The following ZNF521 variants were observed in gnomAD, a reference collection of about 807,000 sequenced individuals.
ZNF521 encodes LYST-interacting protein 3.
In ZNF521, 14 loss-of-function variants were observed where a neutral mutation model predicts 105.5. The ratio of observed to expected loss-of-function variants is 0.13; its 90% CI spans 0.09 to 0.21. The LOEUF (loss-of-function observed/expected upper bound fraction) is 0.21, where lower values mean the gene tolerates loss of function less well. Ranked by LOEUF, ZNF521 falls within the 10% of genes least tolerant of loss-of-function variation. ZNF521 has a pLI of 1.00. For missense variants in ZNF521, 1,233 were observed against 1,629.7 expected (o/e 0.76, Z 4.19); for synonymous variants, 635 against 606.0 (o/e 1.05, Z -0.70).
chr18:25,271,471 G>C (rs1324010717), intron 3 of ZNF521, among the ~76,000 whole-genome samples: 1 of 152,138 alleles, frequency 6.6e-6, no homozygotes, highest in African/African-American at 2.4e-5. Context: ...ACAATCCTAA[G>C]CAAAAAGAAC....
At chr18:25,343,394 G>A (rs1267628974) in intron 2 of ZNF521, among the ~76,000 whole-genome samples, 1 of 152,132 alleles carries the variant, frequency 6.6e-6, no homozygotes, top group Non-Finnish European at 1.5e-5. Flanking sequence ...TAAACAAAGT[G>A]CATTTCCTAC....
intron 5 of ZNF521, among the ~76,000 whole-genome samples, chr18:25,095,303 C>T (rs1369360588): frequency 6.6e-6 from 1 of 151,964 alleles, no homozygotes; most frequent in Non-Finnish European, 1.5e-5. Flanking sequence ...CCTAAAGGTG[C>T]CAAAAAGCTT....
At chr18:25,346,757 C>G (rs922898864) in intron 2 of ZNF521, among the ~76,000 whole-genome samples, 2 of 152,172 alleles carry the variant, frequency 1.3e-5, no homozygotes, top group Non-Finnish European at 2.9e-5. Context: ...TTAAACAAGG[C>G]ACTTCTGGGG....
intron 5 of ZNF521, among the ~76,000 whole-genome samples, chr18:25,120,890 C>T (rs563909214): frequency 4.6e-5 from 7 of 152,038 alleles, no homozygotes; most frequent in African/African-American, 1.7e-4. Flanking sequence ...TGCAGTAAGA[C>T]ACTGGCAGTG....
chr18:25,182,502 C>A (rs748104113), intron 5 of ZNF521, among the ~76,000 whole-genome samples: 9 of 152,144 alleles, frequency 5.9e-5, no homozygotes, highest in Non-Finnish European at 1.3e-4. Context: ...ATATGTGACG[C>A]CCATTTCGCT....
chr18:25,315,741 G>A (rs1912569533), intron 3 of ZNF521: 1 of 152,186 alleles, frequency 6.6e-6, no homozygotes, highest in African/African-American at 2.4e-5. Context: ...TTGATACGGA[G>A]TGAATAGGTT....
chr18:25,123,143 TATATGAGTC>T (rs1301855118), intron 5 of ZNF521, among the ~76,000 whole-genome samples: 5 of 150,858 alleles, frequency 3.3e-5, no homozygotes, highest in Non-Finnish European at 7.4e-5. Flanking sequence ...AATGACTCAT[TATATGAGTC>T]ATTTGTAAGT....
At chr18:25,180,379 G>C (rs979545378) in intron 5 of ZNF521, among the ~76,000 whole-genome samples, 1 of 152,074 alleles carries the variant, frequency 6.6e-6, no homozygotes, top group African/African-American at 2.4e-5. Context: ...CAGTGGTTCT[G>C]GGATACAGGA....
At chr18:25,265,795 C>G (rs147664709) in intron 3 of ZNF521, among the ~76,000 whole-genome samples, 62 of 152,242 alleles carry the variant, frequency 4.1e-4, no homozygotes, top group African/African-American at 1.3e-3. Context: ...AAGCGTCTAT[C>G]AACAGATGAA....
At chr18:25,111,389 T>C (rs2034186890) in intron 5 of ZNF521, among the ~76,000 whole-genome samples, 1 of 152,158 alleles carries the variant, frequency 6.6e-6, no homozygotes, top group Non-Finnish European at 1.5e-5. Context: ...ATATTAGAAG[T>C]CATTGTGTTT....
Position 25,333,114 on chromosome 18 carries a change from C to T in ZNF521, c.41-10927G>A, listed in dbSNP as rs186547764. Among the ~76,000 whole-genome samples, 5 of 151,304 alleles carry T rather than the reference C, an allele frequency of 3.3e-5. No individual in the cohort carries two copies. The South Asian group carries it at 6.3e-4, about 19-fold the overall frequency. On this transcript the variant is annotated intron_variant, in intron 2 of 7. Coordinates refer to ENST00000361524, the MANE Select transcript of ZNF521 (RefSeq NM_015461.3). ...TATACTAGAGTAGTATATATTTTAT[C>T]GTATAATGCTATATGTAAACATATT...
At chr18:25,107,186 T>C (rs12965520) in intron 5 of ZNF521, among the ~76,000 whole-genome samples, 71,947 of 152,076 alleles carry the variant, frequency 0.47, 17,279 homozygotes, top group South Asian at 0.67. Flanking sequence ...GTACCTATGT[T>C]GTGGGACTGT....
At chr18:25,168,735 C>T (rs1479296262) in intron 5 of ZNF521, among the ~76,000 whole-genome samples, 1 of 152,202 alleles carries the variant, frequency 6.6e-6, no homozygotes, top group African/African-American at 2.4e-5. Context: ...AAGCCAATTA[C>T]CTGAGATATC....
intron 3 of ZNF521, among the ~76,000 whole-genome samples, chr18:25,303,718 C>T (rs1911797501): frequency 6.6e-6 from 1 of 152,128 alleles, no homozygotes; most frequent in African/African-American, 2.4e-5. Context: ...GCTCATAGAT[C>T]AAATCTACTT....
At chr18:25,096,686 A>G (rs1490957627) in intron 5 of ZNF521, among the ~76,000 whole-genome samples, 1 of 152,158 alleles carries the variant, frequency 6.6e-6, no homozygotes, top group African/African-American at 2.4e-5. Context: ...CGTCTGATCA[A>G]CGCTACAGCC....
chr18:25,203,889 C>T (rs1318176983), intron 4 of ZNF521, among the ~76,000 whole-genome samples: 2 of 152,136 alleles, frequency 1.3e-5, no homozygotes, highest in Non-Finnish European at 2.9e-5. Flanking sequence ...CTGAAAGTGG[C>T]CCCTGGTGGG....
chr18:25,185,621 G>A (rs2035707744), intron 5 of ZNF521, among the ~76,000 whole-genome samples: 2 of 152,132 alleles, frequency 1.3e-5, no homozygotes, highest in Admixed American at 1.3e-4. Context: ...ATATAAAGGG[G>A]CAATGCACAA....
intron 3 of ZNF521, among the ~76,000 whole-genome samples, chr18:25,303,384 G>A (rs1302695947): frequency 1.3e-5 from 2 of 150,804 alleles, no homozygotes; most frequent in African/African-American, 4.9e-5. Flanking sequence ...TGCAACCTCC[G>A]CCTTCTGGGT....
chr18:25,118,682 T>C (rs2034375613), intron 5 of ZNF521, among the ~76,000 whole-genome samples: 1 of 151,936 alleles, frequency 6.6e-6, no homozygotes, highest in East Asian at 1.9e-4. Flanking sequence ...AATGGAATTA[T>C]AAAAACGATT....
Sources: gnomAD v4.1 joint callset for allele counts (sites outside exome capture counted in the v4.1 genomes callset) on GRCh38, gnomAD v4.1.1 for gene constraint, MANE v1.5 for transcripts, NCBI Gene and HGNC (gene_info 2026-07-23, HGNC 2026-07-21) for gene names.